The following ADAR variants were observed in gnomAD, a reference collection of about 807,000 sequenced individuals.
The protein encoded by ADAR is double-stranded RNA-specific adenosine deaminase.
ADAR carries 41 observed loss-of-function variants against 113.2 expected under a neutral mutation model. The observed-to-expected ratio is 0.36, with a 90% CI of 0.28 to 0.47. ADAR has a LOEUF of 0.47. ADAR is among the 20% of genes least tolerant of loss of function. The pLI, the probability that ADAR is intolerant of heterozygous loss-of-function variation, is 1.00. For synonymous variants in ADAR, 605 were observed against 572.6 expected, an observed-to-expected ratio of 1.06 and a Z score of -0.81; for missense variants, 1,242 against 1,540.9, an observed-to-expected ratio of 0.81 and a Z score of 3.25.
intron 1 of ADAR, among the ~76,000 whole-genome samples, chr1:154,605,056 C>T (rs570035039): frequency 3.9e-5 from 6 of 152,220 alleles, no homozygotes; most frequent in Non-Finnish European, 8.8e-5. Context: ...GGCTAGAAAC[C>T]TGCGTCATCT....
At position 154,589,393 on chromosome 1, in the gene ADAR, A is replaced by G. The variant is rs1264595536; in HGVS notation, c.2738T>C (p.Ile913Thr). Residue 913 changes from isoleucine (I) to threonine (T), a missense_variant, in exon 9 of 15, where the codon ATA (isoleucine) becomes ACA (threonine). Transcript: ENST00000368474. ...GETVNDCHAE[I>T]ISRRGFIRFL... Reference sequence around the variant, plus strand: ...CCTGATGAAGCCTCTCCGGGAGATTATTTCTGCATGGCAGTCATTGACAGT... The same window carrying G: ...CCTGATGAAGCCTCTCCGGGAGATTGTTTCTGCATGGCAGTCATTGACAGT... The G allele has an allele frequency of 6.2e-7, 1 of 1,614,172 alleles. No homozygotes were observed. Among genetic ancestry groups the G allele is most frequent in the Admixed American group, 1.7e-5 (1 of 60,024 alleles).
At chr1:154,586,650 G>A (rs1290094770) in intron 11 of ADAR, among the ~76,000 whole-genome samples, 2 of 152,204 alleles carry the variant, frequency 1.3e-5, no homozygotes, top group Admixed American at 1.3e-4. Flanking sequence ...AATTCCAGAT[G>A]CTGACAGTGC....
upstream of ADAR, among the ~76,000 whole-genome samples, chr1:154,610,414 C>G (rs577935368): frequency 3.5e-4 from 53 of 152,268 alleles, no homozygotes; most frequent in Non-Finnish European, 6.5e-4. Context: ...AGCTAATTAT[C>G]TAAATATGAT....
Position 154,602,611 on chromosome 1 carries a change from C to T in ADAR, c.31G>A (p.Gly11Arg), listed in dbSNP as rs747039563. 11 of 1,613,874 alleles carry T rather than the reference C, an allele frequency of 6.8e-6. No individual in the cohort carries two copies. Among genetic ancestry groups the T allele is most frequent in the African/African-American group, 2.7e-5 (2 of 74,902 alleles). MNPRQGYSLS[G>R]YYTHPFQGYE... is the part of the protein sequence containing the mutation. ...CCTTGAAATGGATGGGTGTAGTATC[C>T]GCTGAGGGAATACCCCTGCAGAATA... Residue 11 changes from glycine to arginine, a missense_variant, in exon 2 of 15, where the codon GGA (glycine) becomes AGA (arginine). Coordinates refer to ENST00000368474, the MANE Select transcript of ADAR (RefSeq NM_001111.5).
At chr1:154,588,361 G>A in intron 10 of ADAR, 103 bp from the exon 11 acceptor site, 2 of 1,568,192 alleles carry the variant, frequency 1.3e-6, no homozygotes, top group Non-Finnish European at 1.7e-6. Context: ...TGTTTTCTAA[G>A]GCCTACCATG....
chr1:154,600,045 C>T (rs1697761168), intron 2 of ADAR: 1 of 152,384 alleles, frequency 6.6e-6, no homozygotes, highest in African/African-American at 2.4e-5. Context: ...CTGCACCTCT[C>T]TCAGAAAACG....
chr1:154,589,300 G>A, intron 9 of ADAR, 69 bp downstream of exon 9: 1 of 1,239,588 alleles, frequency 8.1e-7, no homozygotes, highest in Non-Finnish European at 1.2e-6. Context: ...CCGTGTCAGA[G>A]CCATGTGGGG....
chr1:154,602,578 G>A lies in ADAR; in HGVS notation c.64C>T (p.His22Tyr). ...GGCTGCTGGTACCTGAGCTGTCTGT[G>A]CTCATAGCCTTGAAATGGATGGGTG... ...YYTHPFQGYE[H>Y]RQLRYQQPGP... The change falls in exon 2 of 15, where the codon CAC becomes TAC. Residue 22 changes from histidine (H) to tyrosine (Y), a missense_variant. Transcript: ENST00000368474. 1 of 1,614,230 alleles carries A rather than the reference G, an allele frequency of 6.2e-7. No homozygotes were observed. The highest frequency in any genetic ancestry group is 8.5e-7 in the Non-Finnish European group (1 of 1,180,022).
In ADAR at chr1:154,586,353, T is replaced by C. The variant is rs1276988232; in HGVS notation, c.3030A>G (p.Thr1010=). 14 of 1,614,072 alleles carry C rather than the reference T, an allele frequency of 8.7e-6. No individual in the cohort carries two copies. The highest frequency in any genetic ancestry group is 1.2e-5 in the Non-Finnish European group (14 of 1,180,032). Residue 1010 remains threonine, a synonymous_variant, in exon 12 of 15, where the codon ACA becomes ACG. Coordinates refer to ENST00000368474, the MANE Select transcript of ADAR (RefSeq NM_001111.5). Reference sequence around the variant, plus strand: ...CAATGTCACTGGATTCCACAGGGATTGTGCCTTCTCCTGTGTGAGAGACTT... The same window carrying C: ...CAATGTCACTGGATTCCACAGGGATCGTGCCTTCTCCTGTGTGAGAGACTT... ...LRTKVENGEG[T]IPVESSDIVP...
At chr1:154,618,724 A>G (rs2101694368) in intron 1 of ADAR, among the ~76,000 whole-genome samples, 1 of 152,290 alleles carries the variant, frequency 6.6e-6, no homozygotes, top group African/African-American at 2.4e-5. Context: ...CTATTTGGAA[A>G]AAAAAAAAGT....
At chr1:154,616,561 C>T (rs557587200) in intron 1 of ADAR, among the ~76,000 whole-genome samples, 1 of 152,088 alleles carries the variant, frequency 6.6e-6, no homozygotes, top group African/African-American at 2.4e-5. Context: ...ACCCCTACCC[C>T]CTCCCATCGC....
At chr1:154,589,983 A>G in intron 7 of ADAR, 55 bp from the exon 8 acceptor site, 1 of 1,605,336 alleles carries the variant, frequency 6.2e-7, no homozygotes, top group Non-Finnish European at 8.5e-7. Context: ...TGTCCACCAT[A>G]TTCACCGTGG....
At chr1:154,603,026 A>G (rs986702542) in intron 1 of ADAR, among the ~76,000 whole-genome samples, 2 of 152,244 alleles carry the variant, frequency 1.3e-5, no homozygotes, top group Non-Finnish European at 2.9e-5. Context: ...ACAAAAACAG[A>G]ATAACCTGAA....
Position 154,600,957 on chromosome 1 carries a change from A to C in ADAR, c.1601+84T>G. On this transcript the variant is annotated intron_variant, in intron 2 of 14. Transcript: ENST00000368474. ...GAAAAGATAGGCGCCACCAAACAGC[A>C]CTGCTCACAAATCAGCCAAGACTGC... is the stretch of plus-strand genomic sequence containing the variant. The C allele has an allele frequency of 2.5e-6, 4 of 1,576,054 alleles. No homozygotes were observed. The African/African-American group carries it at 5.4e-5, about 21-fold the overall frequency.
chr1:154,598,996 A>G (rs979052376), intron 2 of ADAR, among the ~76,000 whole-genome samples: 3 of 152,226 alleles, frequency 2.0e-5, no homozygotes, highest in Non-Finnish European at 4.4e-5. Flanking sequence ...GGAGGGTCCT[A>G]AAAGATAGTG....
chr1:154,612,404 T>C (rs1257620870), upstream of ADAR, among the ~76,000 whole-genome samples: 1 of 132,524 alleles, frequency 7.5e-6, no homozygotes, highest in Non-Finnish European at 1.6e-5. Flanking sequence ...CTTGGCTCAC[T>C]GCAAGCTCCG....
At chr1:154,606,883 A>C (rs1349373400) in intron 1 of ADAR, among the ~76,000 whole-genome samples, 1 of 151,942 alleles carries the variant, frequency 6.6e-6, no homozygotes, top group Non-Finnish European at 1.5e-5. Flanking sequence ...ACACCTGTGC[A>C]GAAATGCTTT....
intron 1 of ADAR, among the ~76,000 whole-genome samples, chr1:154,606,626 C>A (rs920613370): frequency 3.5e-4 from 53 of 152,122 alleles, no homozygotes; most frequent in Admixed American, 2.0e-4. Context: ...ATCCCCTAAA[C>A]ACCAAGCCAC....
chr1:154,590,140 G>GGGGGGGCCCCC, intron 7 of ADAR, 44 bp downstream of exon 7: 1 of 1,373,188 alleles, frequency 7.3e-7, no homozygotes, highest in Non-Finnish European at 1.0e-6. Flanking sequence ...GAGTTAGGAG[G>GGGGGGGCCCCC]ACCCCCCCGC....
Sources: gnomAD v4.1 joint callset for allele counts (sites outside exome capture counted in the v4.1 genomes callset) on GRCh38, gnomAD v4.1.1 for gene constraint, MANE v1.5 for transcripts, NCBI Gene and HGNC (gene_info 2026-07-23, HGNC 2026-07-21) for gene names.